FARP1: variants seen among roughly 807,000 people sequenced by gnomAD.
FARP1 encodes the protein FERM, ARH/RhoGEF and pleckstrin domain protein 1, also known as FERM, ARHGEF and pleckstrin domain-containing protein 1.
Under a neutral mutation model 128.8 loss-of-function variants are expected in FARP1, and 52 were observed. The observed-to-expected ratio is 0.40, with a 90% CI of 0.32 to 0.51. FARP1 has a LOEUF of 0.51. Among genes scored for constraint, FARP1 ranks in the 20% least tolerant of loss-of-function variants. The pLI, the probability that FARP1 is intolerant of heterozygous loss-of-function variation, is 0.45. For missense variants in FARP1, 1,333 were observed against 1,367.9 expected, an observed-to-expected ratio of 0.97 and a Z score of 0.40; for synonymous variants, 580 against 551.8, an observed-to-expected ratio of 1.05 and a Z score of -0.72.
Position 98,390,126 on chromosome 13 carries a change from G to T in FARP1, c.1019+6G>T. ...GGGTCATCATTTCGGTTCAGGTGAG[G>T]TCGCCACTTTGTGCCTCTGTTTGCT... is the stretch of plus-strand genomic sequence containing the variant. On this transcript the variant is annotated splice_donor_region_variant and intron_variant, in intron 10 of 26. Transcript: ENST00000319562. 6.2e-7 allele frequency: 1 copy of T among 1,611,864 alleles called. No individual in the cohort carries two copies. Among genetic ancestry groups the T allele is most frequent in the East Asian group, 2.2e-5 (1 of 44,860 alleles).
chr13:98,435,839 C>G (rs762304682), intron 19 of FARP1, 133 bp downstream of exon 19: 6 of 910,968 alleles, frequency 6.6e-6, no homozygotes, highest in African/African-American at 1.6e-5. Context: ...TGGGAGACAA[C>G]TGGAAAAACA....
intron 1 of FARP1, among the ~76,000 whole-genome samples, chr13:98,209,796 CAAAAAAAAAAAAAAAAAAA>C (rs71111935): frequency 4.1e-5 from 2 of 49,362 alleles, no homozygotes; most frequent in African/African-American, 8.4e-5. Context: ...AACTGTGTCT[CAAAAAAAAAAAAAAAAAAA>C]AAAAAAAAAA....
intron 10 of FARP1, 52 bp downstream of exon 10, chr13:98,390,172 G>A (rs778397522): frequency 8.9e-6 from 14 of 1,564,704 alleles, no homozygotes; most frequent in African/African-American, 1.4e-5. Context: ...TTTTCCTCCC[G>A]CCTCTCACAG....
At chr13:98,358,314 G>A (rs1164834391) in intron 3 of FARP1, among the ~76,000 whole-genome samples, 1 of 151,978 alleles carries the variant, frequency 6.6e-6, no homozygotes, top group Non-Finnish European at 1.5e-5. Context: ...AGCAGGCTGG[G>A]GCGCTCACAG....
At position 98,322,954 on chromosome 13, in the gene FARP1, G is replaced by T. The variant is rs76226900; in HGVS notation, c.172-20808G>T. The stretch of plus-strand genomic sequence containing the variant: ...GAGAGGGAGGAAAATATTTGCATTC[G>T]TAATAGGAAGAGTTTATGGTTGTGA... On this transcript the variant is annotated intron_variant, in intron 2 of 26. Transcript: ENST00000319562. Among the ~76,000 whole-genome samples the T allele has an allele frequency of 5.4e-4, 82 of 152,234 alleles. No individual in the cohort carries two copies. In the East Asian group the frequency reaches 0.015, roughly 28 times the overall value.
At chr13:98,315,715 A>T (rs757639671) in intron 2 of FARP1, among the ~76,000 whole-genome samples, 7 of 152,182 alleles carry the variant, frequency 4.6e-5, no homozygotes, top group Non-Finnish European at 1.0e-4. Flanking sequence ...AAAACAAAAG[A>T]TGCAGAGGAG....
chr13:98,240,638 A>G (rs564486102), intron 2 of FARP1, among the ~76,000 whole-genome samples: 2 of 152,382 alleles, frequency 1.3e-5, no homozygotes, highest in Admixed American at 6.5e-5. Flanking sequence ...TCTGACCAGC[A>G]AGACTGGAGT....
Position 98,236,732 on chromosome 13 carries a change from G to A in FARP1, c.171+23319G>A, listed in dbSNP as rs563173028. 1.1e-4 allele frequency among the ~76,000 whole-genome samples: 16 copies of A among 152,314 alleles called. No homozygotes were observed. In the South Asian group the frequency reaches 2.9e-3, roughly 28 times the overall value. ...TTGCCAGGCGTGGTGGCTCACGCCT[G>A]TAATGTTAGTACTTTGGGAAGCCAA... is the stretch of plus-strand genomic sequence containing the variant. On this transcript the variant is annotated intron_variant, in intron 2 of 26. Transcript: ENST00000319562.
intron 15 of FARP1, 142 bp downstream of exon 15, chr13:98,410,965 T>C: frequency 2.0e-6 from 1 of 499,526 alleles, no homozygotes; most frequent in Non-Finnish European, 3.6e-6. Flanking sequence ...GTATAGAAAT[T>C]AAATGCTAAT....
intron 3 of FARP1, among the ~76,000 whole-genome samples, chr13:98,354,596 T>C (rs1320922076): frequency 6.6e-6 from 1 of 152,232 alleles, no homozygotes; most frequent in Non-Finnish European, 1.5e-5. Context: ...AAGAGTCTGG[T>C]AGGATTCTTA....
intron 2 of FARP1, among the ~76,000 whole-genome samples, chr13:98,220,371 G>GT (rs1708783983): frequency 6.6e-6 from 1 of 152,188 alleles, no homozygotes; most frequent in Admixed American, 6.5e-5. Context: ...TGTGTGCCCA[G>GT]AACTGCTTTT....
chr13:98,289,047 G>T (rs997684695), intron 2 of FARP1, among the ~76,000 whole-genome samples: 1 of 149,736 alleles, frequency 6.7e-6, no homozygotes, highest in Non-Finnish European at 1.5e-5. Context: ...TAATGTTTGC[G>T]ATACCGTGTA....
At chr13:98,441,136 C>T (rs1892507085) in intron 24 of FARP1, among the ~76,000 whole-genome samples, 3 of 152,202 alleles carry the variant, frequency 2.0e-5, no homozygotes. Flanking sequence ...GTTTTCTTGC[C>T]TCTCATGCAG....
chr13:98,429,656 C>T (rs931251417), intron 17 of FARP1, among the ~76,000 whole-genome samples: 6 of 152,126 alleles, frequency 3.9e-5, no homozygotes, highest in African/African-American at 1.4e-4. Context: ...AGAATAAATG[C>T]GGGGGCCCCA....
intron 1 of FARP1, among the ~76,000 whole-genome samples, chr13:98,150,121 C>T (rs1875885512): frequency 6.6e-6 from 1 of 151,944 alleles, no homozygotes; most frequent in African/African-American, 2.4e-5. Flanking sequence ...GCACTGCAAC[C>T]TCTGCCTCCC....
chr13:98,377,517 A>C (rs756014309), intron 5 of FARP1, among the ~76,000 whole-genome samples: 7 of 152,096 alleles, frequency 4.6e-5, no homozygotes, highest in Non-Finnish European at 8.8e-5. Context: ...AAAAATGTAA[A>C]TATTTCCTGT....
intron 13 of FARP1, chr13:98,406,825 C>G (rs891542460): frequency 1.3e-5 from 2 of 152,402 alleles, no homozygotes; most frequent in Non-Finnish European, 1.5e-5. Flanking sequence ...TACCTCATTT[C>G]TTCCAACTGC....
At chr13:98,386,760 C>T (rs1213750929) in intron 8 of FARP1, among the ~76,000 whole-genome samples, 5 of 148,540 alleles carry the variant, frequency 3.4e-5, no homozygotes, top group Admixed American at 2.0e-4. Context: ...ACCTAAAACC[C>T]TTTATTGAGC....
intron 17 of FARP1, among the ~76,000 whole-genome samples, chr13:98,428,657 C>T (rs1891880834): frequency 6.6e-6 from 1 of 152,222 alleles, no homozygotes; most frequent in East Asian, 1.9e-4. Flanking sequence ...GACCCTGCTC[C>T]CAACCCTTCA....
Sources: allele counts gnomAD v4.1 joint callset (sites outside exome capture counted in the v4.1 genomes callset), GRCh38; gene constraint gnomAD v4.1.1; transcripts MANE v1.5; gene names NCBI Gene and HGNC (gene_info 2026-07-23, HGNC 2026-07-21).